The following UBE3D variants were observed in gnomAD, a reference collection of about 807,000 sequenced individuals.
The protein encoded by UBE3D is E3 ubiquitin-protein ligase E3D.
UBE3D carries 48 observed loss-of-function variants against 49.6 expected under a neutral mutation model. The observed-to-expected ratio is 0.97, with a 90% CI of 0.77 to 1.23. The LOEUF (loss-of-function observed/expected upper bound fraction) is 1.23, where lower values mean the gene tolerates loss of function less well. Ranked by LOEUF, UBE3D falls within the 50% of genes most tolerant of loss-of-function variation. The pLI, the probability that UBE3D is intolerant of heterozygous loss-of-function variation, is 0.00. For missense variants in UBE3D, 452 were observed against 468.4 expected (o/e 0.96, Z 0.32); for synonymous variants, 189 against 174.2 (o/e 1.08, Z -0.67).
At chr6:82,962,273 T>C (rs1432992743) in intron 8 of UBE3D, among the ~76,000 whole-genome samples, 2 of 152,196 alleles carry the variant, frequency 1.3e-5, no homozygotes, top group Non-Finnish European at 2.9e-5. Context: ...CAAAGGAAAT[T>C]TTAAATGCTA....
chr6:82,991,089 C>T (rs778515166), intron 8 of UBE3D, among the ~76,000 whole-genome samples: 2 of 152,150 alleles, frequency 1.3e-5, no homozygotes, highest in Admixed American at 6.5e-5. Context: ...GTGGGCTCTC[C>T]ATAGGCCCTG....
rs574870258 is a variant in UBE3D at position 83,059,408 on chromosome 6, A to G, written c.78-1386T>C. Among the ~76,000 whole-genome samples, 7 of 152,188 alleles carry G rather than the reference A, an allele frequency of 4.6e-5. No individual in the cohort carries two copies. The East Asian group carries it at 1.4e-3, about 29-fold the overall frequency. On this transcript the variant is annotated intron_variant, in intron 1 of 9. Transcript: ENST00000369747. ...AAAAGAAAAAAAGATACAGAAGAAA[A>G]ATCCAACTCTTAGCTCACAGGCTGT...
At chr6:83,041,082 A>G (rs1216309500) in intron 4 of UBE3D, among the ~76,000 whole-genome samples, 2 of 152,262 alleles carry the variant, frequency 1.3e-5, no homozygotes, top group Non-Finnish European at 2.9e-5. Context: ...AAATCTGATC[A>G]CACTCATTAA....
At chr6:82,914,247 G>A (rs1264997758) in intron 9 of UBE3D, among the ~76,000 whole-genome samples, 1 of 152,164 alleles carries the variant, frequency 6.6e-6, no homozygotes, top group East Asian at 1.9e-4. Flanking sequence ...AAGGGCTTAG[G>A]TCTGAGGAAT....
intron 8 of UBE3D, among the ~76,000 whole-genome samples, chr6:82,967,474 C>T (rs574216884): frequency 2.6e-5 from 4 of 152,096 alleles, no homozygotes; most frequent in East Asian, 3.9e-4. Flanking sequence ...CCTTCCCCAT[C>T]GCCTCCACTC....
intron 8 of UBE3D, among the ~76,000 whole-genome samples, chr6:82,999,884 A>C (rs1206795359): frequency 2.0e-5 from 3 of 152,144 alleles, no homozygotes; most frequent in African/African-American, 7.2e-5. Flanking sequence ...CACCCAAGAT[A>C]ATTCCTGTAA....
chr6:82,903,289 C>T (rs1771869066), intron 9 of UBE3D, among the ~76,000 whole-genome samples: 1 of 151,934 alleles, frequency 6.6e-6, no homozygotes, highest in South Asian at 2.1e-4. Flanking sequence ...CCAGCTAGCA[C>T]CCCATTTTTT....
chr6:83,000,437 A>T (rs1779541263), intron 8 of UBE3D, among the ~76,000 whole-genome samples: 1 of 152,188 alleles, frequency 6.6e-6, no homozygotes, highest in Non-Finnish European at 1.5e-5. Flanking sequence ...CTTACTAAGT[A>T]TCTCTCAAAT....
intron 9 of UBE3D, among the ~76,000 whole-genome samples, chr6:82,895,201 C>T (rs890471805): frequency 6.6e-6 from 1 of 152,070 alleles, no homozygotes; most frequent in African/African-American, 2.4e-5. Context: ...ATCCCTGCTA[C>T]TTGGGAGGCT....
intron 8 of UBE3D, among the ~76,000 whole-genome samples, chr6:83,006,651 T>C (rs1780001919): frequency 6.6e-6 from 1 of 152,180 alleles, no homozygotes; most frequent in Non-Finnish European, 1.5e-5. Flanking sequence ...TAAATGTCTG[T>C]TGTTTAAGGC....
chr6:83,032,303 T>A (rs745670673), intron 5 of UBE3D: 18 of 454,674 alleles, frequency 4.0e-5, no homozygotes, highest in Admixed American at 1.2e-4. Flanking sequence ...TGCATCAGCA[T>A]GACCTGGATG....
chr6:82,885,640 G>C, the UBE3D span, among the ~76,000 whole-genome samples: 2 of 152,040 alleles, frequency 1.3e-5, no homozygotes, highest in African/African-American at 4.8e-5. Flanking sequence ...CTACATTTTA[G>C]AGCTCAAAAA....
intron 8 of UBE3D, among the ~76,000 whole-genome samples, chr6:82,961,973 G>A (rs1582477553): frequency 7.6e-6 from 1 of 131,416 alleles, no homozygotes; most frequent in East Asian, 2.4e-4. Flanking sequence ...CAAAAAAGAT[G>A]CTAATTTATT....
intron 9 of UBE3D, among the ~76,000 whole-genome samples, chr6:82,897,998 C>A (rs1771454472): frequency 6.6e-6 from 1 of 152,046 alleles, no homozygotes; most frequent in Non-Finnish European, 1.5e-5. Context: ...AACAAACAAC[C>A]CCATCAAAAA....
intron 9 of UBE3D, among the ~76,000 whole-genome samples, chr6:82,897,906 G>A (rs542419475): frequency 6.6e-6 from 1 of 152,228 alleles, no homozygotes; most frequent in African/African-American, 2.4e-5. Flanking sequence ...CCTATAGAAT[G>A]GGAGAAAATT....
In UBE3D at chr6:83,057,875, A is replaced by C; in HGVS notation, c.225T>G (p.Val75=). The C allele has an allele frequency of 6.2e-7, 1 of 1,614,136 alleles. No homozygotes were observed. The highest frequency in any genetic ancestry group is 8.5e-7 in the Non-Finnish European group (1 of 1,180,018). ...GCAGTCGCAGGTGCAGTCCATCTCC[A>C]ACAACAAACTGTAGCCCACGGCAAG... ...PSSCRGLQFV[V]GDGLHLRLQT... is the part of the protein sequence containing the mutation. Residue 75 remains valine (V), a synonymous_variant, in exon 2 of 10, where the codon GTT becomes GTG. Coordinates refer to ENST00000369747, the MANE Select transcript of UBE3D (RefSeq NM_198920.3).
chr6:82,945,078 C>A (rs1261198737), intron 9 of UBE3D, among the ~76,000 whole-genome samples: 1 of 152,248 alleles, frequency 6.6e-6, no homozygotes, highest in Non-Finnish European at 1.5e-5. Context: ...GCTGGCTTTA[C>A]CAACTGCTGA....
chr6:82,969,823 A>G (rs1777217344), intron 8 of UBE3D, among the ~76,000 whole-genome samples: 1 of 152,042 alleles, frequency 6.6e-6, no homozygotes, highest in African/African-American at 2.4e-5. Context: ...TCAGAACTGG[A>G]TAAAATAATA....
intron 9 of UBE3D, among the ~76,000 whole-genome samples, chr6:82,937,879 C>T (rs1774704497): frequency 6.6e-6 from 1 of 152,110 alleles, no homozygotes; most frequent in Non-Finnish European, 1.5e-5. Flanking sequence ...GCAGGAAGAG[C>T]CAAGGGCCAG....
Sources: allele counts gnomAD v4.1 joint callset (sites outside exome capture counted in the v4.1 genomes callset), GRCh38; gene constraint gnomAD v4.1.1; transcripts MANE v1.5; gene names NCBI Gene and HGNC (gene_info 2026-07-23, HGNC 2026-07-21).